The following TP63 variants were observed in gnomAD, a reference collection of about 807,000 sequenced individuals.
The protein encoded by TP63 is tumor protein p63.
A neutral mutation model predicts 82.8 loss-of-function variants in TP63; 17 were observed. The observed-to-expected ratio is 0.21, with a 90% confidence interval of 0.14 to 0.31. The LOEUF (loss-of-function observed/expected upper bound fraction) is 0.31. Among genes scored for constraint, TP63 ranks in the 10% least tolerant of loss-of-function variants. The pLI, the probability that TP63 is intolerant of heterozygous loss-of-function variation, is 1.00. For missense variants in TP63, 648 were observed against 895.3 expected, an observed-to-expected ratio of 0.72 and a Z score of 3.52; for synonymous variants, 330 against 321.7, an observed-to-expected ratio of 1.03 and a Z score of -0.28.
At chr3:189,826,008 G>A (rs551741684) in intron 4 of TP63, among the ~76,000 whole-genome samples, 252 of 152,232 alleles carry the variant, frequency 1.7e-3, no homozygotes, top group Non-Finnish European at 3.1e-3. Flanking sequence ...TGAGCTACAT[G>A]GAGGACAGGG....
At chr3:189,841,905 G>C (rs1332329813) in intron 4 of TP63, among the ~76,000 whole-genome samples, 1 of 152,182 alleles carries the variant, frequency 6.6e-6, no homozygotes, top group Non-Finnish European at 1.5e-5. Context: ...CTTGGACCAG[G>C]GGGTAAAACA....
intron 1 of TP63, among the ~76,000 whole-genome samples, chr3:189,737,338 G>T (rs564824907): frequency 6.6e-6 from 1 of 152,136 alleles, no homozygotes; most frequent in Non-Finnish European, 1.5e-5. Context: ...GGCAGAATGG[G>T]CAGATAATCA....
intron 1 of TP63, among the ~76,000 whole-genome samples, chr3:189,674,407 A>G (rs372495095): frequency 1.3e-5 from 2 of 152,028 alleles, no homozygotes; most frequent in Admixed American, 6.6e-5. Context: ...TGGTCCTGGT[A>G]ATTTATTCAG....
intron 3 of TP63, among the ~76,000 whole-genome samples, chr3:189,739,731 C>T (rs942345290): frequency 3.3e-5 from 5 of 151,162 alleles, no homozygotes; most frequent in African/African-American, 1.2e-4. Context: ...AAACACCTTC[C>T]TGAGATGTTT....
At chr3:189,867,177 T>G (rs1480388804) in intron 6 of TP63, among the ~76,000 whole-genome samples, 2 of 152,168 alleles carry the variant, frequency 1.3e-5, no homozygotes, top group Non-Finnish European at 2.9e-5. Context: ...AGGGATCTCT[T>G]AGCTGAAGTT....
At chr3:189,838,888 G>A (rs1350662481) in intron 4 of TP63, among the ~76,000 whole-genome samples, 1 of 151,706 alleles carries the variant, frequency 6.6e-6, no homozygotes, top group Non-Finnish European at 1.5e-5. Flanking sequence ...TTGCCTATAG[G>A]ATAGTAGAGC....
intron 1 of TP63, among the ~76,000 whole-genome samples, chr3:189,633,832 C>T (rs750525525): frequency 3.9e-5 from 6 of 152,180 alleles, no homozygotes; most frequent in Admixed American, 1.3e-4. Flanking sequence ...ATCTGCTCTG[C>T]GGAAGACATT....
At chr3:189,645,923 T>C (rs1712389533) in intron 1 of TP63, among the ~76,000 whole-genome samples, 1 of 147,402 alleles carries the variant, frequency 6.8e-6, no homozygotes, top group Admixed American at 6.7e-5. Context: ...GCTGATTCCA[T>C]ATTTTTGCAT....
chr3:189,878,962 T>G (rs1052647696), intron 10 of TP63, among the ~76,000 whole-genome samples: 2 of 150,794 alleles, frequency 1.3e-5, no homozygotes, highest in African/African-American at 4.9e-5. Flanking sequence ...GTTATGAAGT[T>G]TTCAGGGCAG....
At chr3:189,781,798 T>C (rs553974680) in intron 3 of TP63, among the ~76,000 whole-genome samples, 2 of 152,124 alleles carry the variant, frequency 1.3e-5, no homozygotes, top group Non-Finnish European at 2.9e-5. Flanking sequence ...GTCTATAAAA[T>C]TAGCTGCCTC....
intron 4 of TP63, among the ~76,000 whole-genome samples, chr3:189,812,028 T>C (rs1221990534): frequency 6.6e-6 from 1 of 152,240 alleles, no homozygotes; most frequent in Non-Finnish European, 1.5e-5. Flanking sequence ...GCCCACAAAC[T>C]GAAAGAAACA....
chr3:189,636,127 T>A lies in TP63; in HGVS notation c.62+4550T>A, dbSNP rs574977584. On this transcript the variant is annotated intron_variant, in intron 1 of 13. Transcript: ENST00000264731. Reference sequence around the variant, plus strand: ...TCCATCAGTTGTAATCAAAAAAAAATTTTTCAGTCTCTAATGAATAAGCTT... The same window carrying A: ...TCCATCAGTTGTAATCAAAAAAAAAATTTTCAGTCTCTAATGAATAAGCTT... 5.3e-5 allele frequency among the ~76,000 whole-genome samples: 8 copies of A among 151,538 alleles called. No individual in the cohort carries two copies. The South Asian group carries it at 1.0e-3, about 20-fold the overall frequency.
At chr3:189,853,914 T>C (rs1469506867) in intron 4 of TP63, among the ~76,000 whole-genome samples, 2 of 152,182 alleles carry the variant, frequency 1.3e-5, no homozygotes, top group African/African-American at 4.8e-5. Context: ...ATTTTGGTTG[T>C]TTTTGCTGTA....
At chr3:189,761,857 C>T (rs373822787) in intron 3 of TP63, among the ~76,000 whole-genome samples, 10 of 152,338 alleles carry the variant, frequency 6.6e-5, no homozygotes, top group South Asian at 4.2e-4. Flanking sequence ...GAGCAAGTCA[C>T]ATCTTATGTG....
intron 3 of TP63, among the ~76,000 whole-genome samples, chr3:189,797,408 T>G (rs1254357996): frequency 6.6e-6 from 1 of 152,058 alleles, no homozygotes; most frequent in Non-Finnish European, 1.5e-5. Context: ...CCTTTTAAGC[T>G]TGCGCAAAAC....
intron 4 of TP63, among the ~76,000 whole-genome samples, chr3:189,820,077 C>G (rs1577031625): frequency 6.6e-6 from 1 of 152,148 alleles, no homozygotes; most frequent in Admixed American, 6.5e-5. Context: ...TTGTCAATGA[C>G]TACATTGAAT....
chr3:189,661,214 T>C (rs1344734924), intron 1 of TP63, among the ~76,000 whole-genome samples: 1 of 152,052 alleles, frequency 6.6e-6, no homozygotes, highest in Non-Finnish European at 1.5e-5. Context: ...AGGTTTGCCG[T>C]AGATCACTCT....
chr3:189,860,378 G>A (rs1420851552), intron 4 of TP63, among the ~76,000 whole-genome samples: 1 of 152,182 alleles, frequency 6.6e-6, no homozygotes, highest in Non-Finnish European at 1.5e-5. Flanking sequence ...GGAGATGATG[G>A]TGCTATTTTG....
At position 189,896,101 on chromosome 3, in the gene TP63, T is replaced by G. The variant is rs547608467; in HGVS notation, c.*1599T>G. 11 of 223,066 alleles carry G rather than the reference T, an allele frequency of 4.9e-5. No individual in the cohort carries two copies. In the South Asian group the frequency reaches 2.0e-3, roughly 41 times the overall value. 13.8% of individuals were successfully genotyped at this position (223,066 alleles called of 1,614,324 possible). ...CTTTCAGAAATATAACACATTTTTT[T>G]GCATGCATGCAAATGAGCTCTGAAA... On this transcript the variant is annotated 3_prime_UTR_variant, in exon 14 of 14. Coordinates refer to ENST00000264731, the MANE Select transcript of TP63 (RefSeq NM_003722.5).
Sources: allele counts gnomAD v4.1 joint callset (sites outside exome capture counted in the v4.1 genomes callset), GRCh38; gene constraint gnomAD v4.1.1; transcripts MANE v1.5; gene names NCBI Gene and HGNC (gene_info 2026-07-23, HGNC 2026-07-21).